EIF4E3: variants seen among roughly 807,000 people sequenced by gnomAD.
The protein encoded by EIF4E3 is eukaryotic translation initiation factor 4E type 3.
EIF4E3 carries 26 observed loss-of-function variants against 31.7 expected under a neutral mutation model. The ratio of observed to expected loss-of-function variants is 0.82; its 90% CI spans 0.60 to 1.14. The LOEUF (loss-of-function observed/expected upper bound fraction) is 1.14. EIF4E3 is among the 50% of genes most tolerant of loss of function. The pLI is 0.00. For missense variants in EIF4E3, 304 were observed against 270.9 expected, an observed-to-expected ratio of 1.12 and a Z score of -0.86; for synonymous variants, 128 against 107.7, an observed-to-expected ratio of 1.19 and a Z score of -1.17.
chr3:71,735,243 C>T (rs12714777), intron 1 of EIF4E3, among the ~76,000 whole-genome samples: 102,300 of 152,130 alleles, frequency 0.67, 35,228 homozygotes, highest in East Asian at 1. Context: ...CTTTATTTTA[C>T]ATAGGAGTAC....
rs564446929 is a variant in EIF4E3, at chr3:71,684,081, A to G, written c.*601T>C. 1.0e-4 allele frequency: 16 copies of G among 152,766 alleles called. No individual in the cohort carries two copies. The highest frequency in any genetic ancestry group is 3.8e-4 in the African/African-American group (16 of 41,590). 9.5% of individuals were successfully genotyped at this position (152,766 alleles called of 1,614,324 possible). On this transcript the variant is annotated 3_prime_UTR_variant, in exon 7 of 7. Coordinates refer to ENST00000425534, the MANE Select transcript of EIF4E3 (RefSeq NM_001134651.2). ...CTAAAAAAAAATGTTTTAAAAAGGA[A>G]AATTAAAGATTTGTGTGCTGTCAGT...
chr3:71,669,685 C>G, the EIF4E3 span, among the ~76,000 whole-genome samples: 1 of 152,014 alleles, frequency 6.6e-6, no homozygotes, highest in Non-Finnish European at 1.5e-5. Flanking sequence ...TACTCAACGT[C>G]TCGGTGAAGG....
At chr3:71,701,110 G>A (rs1012906509) in intron 2 of EIF4E3, among the ~76,000 whole-genome samples, 48 of 152,180 alleles carry the variant, frequency 3.2e-4, no homozygotes, top group Non-Finnish European at 4.4e-4. Flanking sequence ...TGAGAAACAA[G>A]GGTTTGTTGC....
the EIF4E3 span, among the ~76,000 whole-genome samples, chr3:71,665,674 T>A: frequency 5.3e-5 from 8 of 152,230 alleles, no homozygotes; most frequent in Non-Finnish European, 7.4e-5. Context: ...CACACAGCAC[T>A]TATTCTAAAA....
intron 4 of EIF4E3, among the ~76,000 whole-genome samples, chr3:71,696,143 G>T (rs754336247): frequency 1.3e-3 from 191 of 152,346 alleles, no homozygotes; most frequent in Non-Finnish European, 1.3e-3. Context: ...TATGCAACAT[G>T]TTGGTCATGG....
At chr3:71,752,451 T>A (rs1368896162) in intron 1 of EIF4E3, among the ~76,000 whole-genome samples, 3 of 152,188 alleles carry the variant, frequency 2.0e-5, no homozygotes, top group African/African-American at 7.2e-5. Context: ...CTTCTTAGCC[T>A]GATCATTAAG....
At chr3:71,685,906 C>T (rs573699838) in intron 6 of EIF4E3, among the ~76,000 whole-genome samples, 1 of 152,342 alleles carries the variant, frequency 6.6e-6, no homozygotes, top group South Asian at 2.1e-4. Context: ...CCACACTTAG[C>T]AGTGAATGGG....
In EIF4E3 at chr3:71,684,686, T is replaced by C; in HGVS notation, c.671A>G (p.His224Arg). The C allele has an allele frequency of 6.2e-7, 1 of 1,613,816 alleles. No individual in the cohort carries two copies. Among genetic ancestry groups the C allele is most frequent in the Non-Finnish European group, 8.5e-7 (1 of 1,179,944 alleles). ...AGAATTCTTTACAGAGTGCAATTAG[T>C]GTTTTCCACGTCCACCTTCAAAAGC... ...HHAFEGGRGK[H>R] The change falls in exon 7 of 7, where the codon CAC becomes CGC. Residue 224 changes from histidine (H) to arginine (R), a missense_variant. His to Arg is a conservative substitution (Grantham distance 29). Transcript: ENST00000425534.
At chr3:71,754,672 T>C, upstream of EIF4E3, 1 of 1,498,550 alleles carries the variant, frequency 6.7e-7, no homozygotes, top group Non-Finnish European at 8.9e-7. This position sits in a 1 kb window ranked among gnomAD's most constrained non-coding sequence, Gnocchi z 5.8. Context: ...CTCTTCTTCA[T>C]CCACGACCGC....
chr3:71,742,881 T>C (rs993849770), intron 1 of EIF4E3, among the ~76,000 whole-genome samples: 6 of 152,174 alleles, frequency 3.9e-5, no homozygotes, highest in Non-Finnish European at 7.4e-5. Context: ...TGTAAATCAG[T>C]GTGGTTATCT....
At position 71,696,492 on chromosome 3, in the gene EIF4E3, C is replaced by T. The variant is rs770648457; in HGVS notation, c.373G>A (p.Val125Ile). 5 of 1,613,974 alleles carry T rather than the reference C, an allele frequency of 3.1e-6. No individual in the cohort carries two copies. The highest frequency in any genetic ancestry group is 3.3e-5 in the Admixed American group (2 of 59,986). The change falls in exon 4 of 7, where the codon GTA becomes ATA. Residue 125 changes from valine (V) to isoleucine (I), a missense_variant. Val to Ile is a conservative substitution (Grantham distance 29). Coordinates refer to ENST00000425534, the MANE Select transcript of EIF4E3 (RefSeq NM_001134651.2). The stretch of plus-strand genomic sequence containing the variant: ...TCCTTGGGGACTTTCATCTTCCATA[C>T]GCCACCCTTTGCATTACTCTCCTCT... The part of the protein sequence containing the change: ...WEEESNAKGG[V>I]WKMKVPKDST...
At chr3:71,670,982 G>A (rs977583858), downstream of EIF4E3, among the ~76,000 whole-genome samples, 2 of 152,042 alleles carry the variant, frequency 1.3e-5, no homozygotes, top group East Asian at 1.9e-4. Flanking sequence ...TCCCCCAAGC[G>A]CGGAGAATGG....
chr3:71,716,832 T>C (rs998911755), intron 1 of EIF4E3, among the ~76,000 whole-genome samples: 3 of 152,156 alleles, frequency 2.0e-5, no homozygotes, highest in Non-Finnish European at 4.4e-5. Flanking sequence ...ATATTCAGCC[T>C]GGCACCCTCA....
chr3:71,701,065 G>A (rs571401128), intron 2 of EIF4E3, among the ~76,000 whole-genome samples: 4 of 152,244 alleles, frequency 2.6e-5, no homozygotes, highest in Admixed American at 6.5e-5. Context: ...GCCCATGCTC[G>A]CACCCTCATC....
At chr3:71,707,455 C>G (rs2049309265) in intron 2 of EIF4E3, among the ~76,000 whole-genome samples, 1 of 152,164 alleles carries the variant, frequency 6.6e-6, no homozygotes, top group Non-Finnish European at 1.5e-5. Flanking sequence ...TTACTAAGAA[C>G]TATATACCAT....
intron 1 of EIF4E3, among the ~76,000 whole-genome samples, chr3:71,745,097 C>T (rs1178939119): frequency 6.6e-6 from 1 of 152,312 alleles, no homozygotes; most frequent in Non-Finnish European, 1.5e-5. Context: ...CCAAGTCATA[C>T]TTTTTATGTG....
chr3:71,684,677 T>C lies in EIF4E3; in HGVS notation c.*5A>G, dbSNP rs201647025. 43 of 1,613,356 alleles carry C rather than the reference T, an allele frequency of 2.7e-5. No homozygotes were observed. The South Asian group carries it at 4.7e-4, about 18-fold the overall frequency. On this transcript the variant is annotated 3_prime_UTR_variant, in exon 7 of 7. Transcript: ENST00000425534. ...AAAGGACAAAGAATTCTTTACAGAG[T>C]GCAATTAGTGTTTTCCACGTCCACC...
At chr3:71,732,189 C>T (rs2049713605) in intron 1 of EIF4E3, among the ~76,000 whole-genome samples, 1 of 152,128 alleles carries the variant, frequency 6.6e-6, no homozygotes, top group African/African-American at 2.4e-5. Flanking sequence ...ACCATATGTA[C>T]TCATATCTCC....
chr3:71,669,682 C>A, the EIF4E3 span, among the ~76,000 whole-genome samples: 1 of 152,034 alleles, frequency 6.6e-6, no homozygotes, highest in African/African-American at 2.4e-5. Context: ...AACTACTCAA[C>A]GTCTCGGTGA....
Sources: gnomAD v4.1 joint callset for allele counts (sites outside exome capture counted in the v4.1 genomes callset) on GRCh38, gnomAD v4.1.1 for gene constraint, Gnocchi (gnomAD v3.1) non-coding constraint, MANE v1.5 for transcripts, NCBI Gene and HGNC (gene_info 2026-07-23, HGNC 2026-07-21) for gene names.